The following TRAPPC9 variants were observed in gnomAD, a reference collection of about 807,000 sequenced individuals.
The protein encoded by TRAPPC9 is trafficking protein particle complex subunit 9, also known as IKK2 binding protein.
A neutral mutation model predicts 124.0 loss-of-function variants in TRAPPC9; 83 were observed. The observed-to-expected ratio is 0.67, with a 90% CI of 0.56 to 0.80. TRAPPC9 has a LOEUF of 0.80. TRAPPC9 is among the 30% of genes least tolerant of loss of function. The pLI, the probability that TRAPPC9 is intolerant of heterozygous loss-of-function variation, is 0.00. For synonymous variants in TRAPPC9, 638 were observed against 617.5 expected (o/e 1.03, Z -0.49); for missense variants, 1,302 against 1,508.3 (o/e 0.86, Z 2.27).
At chr8:140,214,977 C>T (rs527713391) in intron 17 of TRAPPC9, among the ~76,000 whole-genome samples, 7 of 152,222 alleles carry the variant, frequency 4.6e-5, no homozygotes, top group Non-Finnish European at 8.8e-5. Flanking sequence ...ATTCCTGCTT[C>T]GGGGAGAAGG....
intron 21 of TRAPPC9, among the ~76,000 whole-genome samples, chr8:139,838,890 C>A (rs1421809490): frequency 1.3e-5 from 2 of 152,200 alleles, no homozygotes; most frequent in African/African-American, 4.8e-5. Context: ...AGGGCCTCAC[C>A]TGGATGTTAC....
At chr8:140,409,353 TG>T (rs1174477418) in intron 5 of TRAPPC9, among the ~76,000 whole-genome samples, 6 of 152,184 alleles carry the variant, frequency 3.9e-5, no homozygotes, top group Non-Finnish European at 8.8e-5. Flanking sequence ...GCACTGCTAC[TG>T]TGAGTGCGAA....
chr8:140,272,130 C>CAATGATGATGGTGATGGTGGCGATGGT (rs1450234909), intron 15 of TRAPPC9, among the ~76,000 whole-genome samples: 2,712 of 100,376 alleles, frequency 0.027, 31 homozygotes, highest in Non-Finnish European at 0.043. Context: ...GTGATGGTGG[C>CAATGATGATGGTGATGGTGGCGATGGT]GATGGTGATG....
chr8:140,024,259 G>A lies in TRAPPC9; in HGVS notation c.2557-180C>T, dbSNP rs146871446. The stretch of plus-strand genomic sequence containing the variant: ...CCGACTCACACCCCCGGCGGGGACC[G>A]ACTCACACCCCCAGCGGGCACCATC... On this transcript the variant is annotated intron_variant, in intron 17 of 22. Transcript: ENST00000438773. Among the ~76,000 whole-genome samples the A allele has an allele frequency of 6.5e-3, 985 of 151,972 alleles. 12 individuals are homozygous for A. Among genetic ancestry groups the A allele is most frequent in the African/African-American group, 0.02 (844 of 41,414 alleles).
intron 17 of TRAPPC9, among the ~76,000 whole-genome samples, chr8:140,164,723 A>T (rs1340654328): frequency 6.6e-6 from 1 of 152,152 alleles, no homozygotes; most frequent in African/African-American, 2.4e-5. Context: ...GGAACTCCGC[A>T]TGGGCCTGCC....
chr8:139,817,167 A>G (rs1824902211), intron 21 of TRAPPC9, among the ~76,000 whole-genome samples: 1 of 151,882 alleles, frequency 6.6e-6, no homozygotes, highest in Non-Finnish European at 1.5e-5. Context: ...CATGCCTTGC[A>G]GGGGCCGCTG....
In TRAPPC9 at chr8:140,409,542, G is replaced by A. The variant is rs2069616816; in HGVS notation, c.887-3844C>T. On this transcript the variant is annotated intron_variant, in intron 5 of 22. Coordinates refer to ENST00000438773, the MANE Select transcript of TRAPPC9 (RefSeq NM_001160372.4). ...ATATTATCTGTAACTCCCAAACACT[G>A]GAAACAATCAAACATCCACATGCAG... Among the ~76,000 whole-genome samples, 4 of 152,102 alleles carry A rather than the reference G, an allele frequency of 2.6e-5. No individual in the cohort carries two copies. In the South Asian group the frequency reaches 8.3e-4, roughly 31 times the overall value.
intron 17 of TRAPPC9, among the ~76,000 whole-genome samples, chr8:140,072,660 C>T (rs1301125233): frequency 6.6e-6 from 1 of 151,250 alleles, no homozygotes; most frequent in Non-Finnish European, 1.5e-5. Context: ...CAGATATACA[C>T]TAGGAGAACG....
intron 21 of TRAPPC9, among the ~76,000 whole-genome samples, chr8:139,846,053 A>T (rs1270121269): frequency 6.6e-6 from 1 of 152,196 alleles, no homozygotes; most frequent in African/African-American, 2.4e-5. Flanking sequence ...TGGGTGCCGC[A>T]AGCTGAGGCC....
At chr8:139,734,514 G>C (rs1256752544) in intron 21 of TRAPPC9, among the ~76,000 whole-genome samples, 1 of 152,352 alleles carries the variant, frequency 6.6e-6, no homozygotes, top group East Asian at 1.9e-4. Flanking sequence ...GGTGGCACAA[G>C]AGAAATAAAC....
intron 9 of TRAPPC9, among the ~76,000 whole-genome samples, chr8:140,346,236 G>C (rs1418315933): frequency 6.6e-6 from 1 of 152,146 alleles, no homozygotes; most frequent in Admixed American, 6.5e-5. Context: ...AGCCAACCTC[G>C]GCTTCTCCCA....
rs148045656 is a variant in TRAPPC9 at position 139,776,265 on chromosome 8, C to T, written c.3056-44063G>A. The stretch of plus-strand genomic sequence containing the variant: ...GCAGCCTCCCAGTCAGATGACTCAG[C>T]GCACAGATGAACTCAGCCACTCCAG... On this transcript the variant is annotated intron_variant, in intron 21 of 22. Transcript: ENST00000438773. The surrounding 1 kb of genome is among the most constrained non-coding windows in gnomAD (Gnocchi z 4.1). Among the ~76,000 whole-genome samples the T allele has an allele frequency of 2.1e-3, 323 of 152,280 alleles. 1 individual carries two copies. Among genetic ancestry groups the T allele is most frequent in the Middle Eastern group, 3.4e-3 (1 of 294 alleles).
chr8:139,784,861 A>G (rs1486851536), intron 21 of TRAPPC9, among the ~76,000 whole-genome samples: 1 of 152,110 alleles, frequency 6.6e-6, no homozygotes, highest in Admixed American at 6.5e-5. Flanking sequence ...GGAAAACTCA[A>G]TACAAAGATG....
At chr8:139,777,557 A>G (rs545360188) in intron 21 of TRAPPC9, among the ~76,000 whole-genome samples, 1 of 152,358 alleles carries the variant, frequency 6.6e-6, no homozygotes, top group Admixed American at 6.5e-5. Context: ...GACAATAAAG[A>G]ATTCTAGATC....
intron 17 of TRAPPC9, among the ~76,000 whole-genome samples, chr8:140,050,711 G>A (rs1841936801): frequency 1.3e-5 from 2 of 152,152 alleles, no homozygotes; most frequent in Non-Finnish European, 2.9e-5. Flanking sequence ...GGAGAGATGG[G>A]GGCTGGGGAG....
At chr8:140,424,009 T>C (rs1001837420) in intron 5 of TRAPPC9, among the ~76,000 whole-genome samples, 21 of 152,160 alleles carry the variant, frequency 1.4e-4, no homozygotes, top group Non-Finnish European at 2.8e-4. Context: ...CTAACAGGTA[T>C]ATGGCTTCCT....
chr8:140,303,362 A>C (rs1489634645), intron 10 of TRAPPC9, among the ~76,000 whole-genome samples: 1 of 152,208 alleles, frequency 6.6e-6, no homozygotes, highest in Non-Finnish European at 1.5e-5. Flanking sequence ...ACTTTATTCC[A>C]CTTCCTTAAT....
chr8:140,129,645 G>C (rs2061168392), intron 17 of TRAPPC9, among the ~76,000 whole-genome samples: 1 of 152,148 alleles, frequency 6.6e-6, no homozygotes, highest in African/African-American at 2.4e-5. Context: ...GTCAGCAATG[G>C]AAGGATGGTG....
intron 20 of TRAPPC9, among the ~76,000 whole-genome samples, chr8:139,906,158 TC>T (rs1382612879): frequency 6.6e-6 from 1 of 152,136 alleles, no homozygotes; most frequent in African/African-American, 2.4e-5. Flanking sequence ...CATTAGCTCA[TC>T]CGGTCAGGCC....
Sources: gnomAD v4.1 joint callset for allele counts (sites outside exome capture counted in the v4.1 genomes callset) on GRCh38, gnomAD v4.1.1 for gene constraint, Gnocchi (gnomAD v3.1) non-coding constraint, MANE v1.5 for transcripts, NCBI Gene and HGNC (gene_info 2026-07-23, HGNC 2026-07-21) for gene names.